Variants in SFXN2 observed in about 807,000 individuals in gnomAD.
SFXN2 encodes the protein sideroflexin 2.
Under a neutral mutation model 41.9 loss-of-function variants are expected in SFXN2, and 37 were observed. The observed-to-expected ratio is 0.88, with a 90% CI of 0.68 to 1.16. The LOEUF is 1.16. Ranked by LOEUF, SFXN2 falls within the 50% of genes most tolerant of loss-of-function variation. The pLI is 0.00. For synonymous variants in SFXN2, 150 were observed against 156.7 expected, an observed-to-expected ratio of 0.96 and a Z score of 0.32; for missense variants, 386 against 425.2, an observed-to-expected ratio of 0.91 and a Z score of 0.81.
chr10:102,722,726 T>G, intron 1 of SFXN2, among the ~76,000 whole-genome samples: 1 of 151,580 alleles, frequency 6.6e-6, no homozygotes. Flanking sequence ...CTTTTTTAAT[T>G]TTTATAGAGA....
At chr10:102,728,300 AAAAAAT>A (rs1206804739) in intron 3 of SFXN2, 125 bp from the exon 4 acceptor site, 11 of 713,024 alleles carry the variant, frequency 1.5e-5, no homozygotes, top group South Asian at 3.3e-5. Context: ...CTCCGTCTCA[AAAAAAT>A]AAAAATAAAA....
chr10:102,735,523 C>A (rs1164564335), intron 10 of SFXN2, among the ~76,000 whole-genome samples: 1 of 152,150 alleles, frequency 6.6e-6, no homozygotes, highest in Non-Finnish European at 1.5e-5. Context: ...TTTCTCCTCT[C>A]CCTCCTCGTC....
intron 10 of SFXN2, among the ~76,000 whole-genome samples, chr10:102,735,401 T>C (rs1228497077): frequency 7.0e-6 from 1 of 143,410 alleles, no homozygotes; most frequent in African/African-American, 2.6e-5. Context: ...TCCTCCAAGT[T>C]GCTCCTGTCC....
chr10:102,729,591 C>A, intron 5 of SFXN2, 132 bp from the exon 6 acceptor site: 1 of 1,145,930 alleles, frequency 8.7e-7, no homozygotes, highest in East Asian at 2.4e-5. Flanking sequence ...GTTTGGGGTT[C>A]CCAGACTGGG....
chr10:102,728,748 C>T (rs1391404490), intron 4 of SFXN2, among the ~76,000 whole-genome samples: 2 of 152,108 alleles, frequency 1.3e-5, no homozygotes, highest in Admixed American at 6.5e-5. Flanking sequence ...CTAAATATTT[C>T]TTCTTGAGTG....
chr10:102,728,333 G>A (rs1010021223), intron 3 of SFXN2, 98 bp from the exon 4 acceptor site: 6 of 910,100 alleles, frequency 6.6e-6, no homozygotes, highest in Admixed American at 5.2e-5. Context: ...TATGGGAACA[G>A]TGTGGGGACC....
At chr10:102,737,162 A>C (rs1490965458) in intron 11 of SFXN2, among the ~76,000 whole-genome samples, 3 of 152,038 alleles carry the variant, frequency 2.0e-5, no homozygotes, top group Non-Finnish European at 4.4e-5. Context: ...CTCAATAAAT[A>C]AGTAAATAAA....
At position 102,732,879 on chromosome 10, in the gene SFXN2, G is replaced by A; in HGVS notation, c.742G>A (p.Glu248Lys). 1 of 1,614,124 alleles carries A rather than the reference G, an allele frequency of 6.2e-7. No individual in the cohort carries two copies. The highest frequency in any genetic ancestry group is 8.5e-7 in the Non-Finnish European group (1 of 1,180,012). The change falls in exon 9 of 12, where the codon GAA (glutamate) becomes AAA (lysine). Residue 248 changes from glutamate to lysine, a missense_variant. Transcript: ENST00000369893. ...TCCAGTCTTGCTGCCAGTCATCATG[G>A]AAAGGCTTGAGAAATTGCACTTCAT... Reference protein sequence around the residue: ...PGMILLPVIMERLEKLHFMQK... With the variant: ...PGMILLPVIMKRLEKLHFMQK...
Position 102,717,154 on chromosome 10 carries a change from C to T in SFXN2, c.-26+2473C>T, listed in dbSNP as rs187650259. 3.1e-3 allele frequency among the ~76,000 whole-genome samples: 342 copies of T among 111,564 alleles called. 3 individuals are homozygous for T. Among genetic ancestry groups the T allele is most frequent in the African/African-American group, 0.011 (318 of 28,276 alleles). 73.2% of individuals were successfully genotyped at this position (111,564 alleles called of 152,430 possible). ...TTTTTTTTTTTTTTTTTTGTGGAGACGGAGTCTCGCTCTGTCACCCAGACT... is the reference window on the plus strand; with the variant it reads ...TTTTTTTTTTTTTTTTTTGTGGAGATGGAGTCTCGCTCTGTCACCCAGACT... On this transcript the variant is annotated intron_variant, in intron 1 of 11. Coordinates refer to ENST00000369893, the MANE Select transcript of SFXN2 (RefSeq NM_178858.6).
chr10:102,733,742 A>C (rs1590154020), intron 10 of SFXN2, 139 bp downstream of exon 10: 3 of 722,488 alleles, frequency 4.2e-6, no homozygotes, highest in East Asian at 2.6e-5. Context: ...CCTGTGGTCC[A>C]TCTGGAAAGC....
At chr10:102,733,304 C>T (rs1350903497) in intron 9 of SFXN2, among the ~76,000 whole-genome samples, 1 of 55,818 alleles carries the variant, frequency 1.8e-5, no homozygotes, top group South Asian at 5.5e-4. Flanking sequence ...CCTGCCACCA[C>T]GCCCAGCTAT....
intron 4 of SFXN2, 114 bp downstream of exon 4, chr10:102,728,643 T>C (rs2064649211): frequency 1.2e-6 from 1 of 846,330 alleles, no homozygotes; most frequent in Non-Finnish European, 2.0e-6. Context: ...GGTGACCAAG[T>C]CACCCTTTCC....
rs201849917 is a variant in SFXN2 at position 102,729,773 on chromosome 10, G to A, written c.558G>A (p.Ala186=). ...GRWVPFAAVA[A]ANCVNIPMMR... is the part of the protein sequence containing the mutation. ...GGGTGCCCTTTGCCGCTGTGGCTGC[G>A]GCTAACTGTGTCAATATCCCCATGA... Residue 186 remains alanine, a synonymous_variant, in exon 6 of 12, where the codon GCG becomes GCA. Coordinates refer to ENST00000369893, the MANE Select transcript of SFXN2 (RefSeq NM_178858.6). 7.4e-6 allele frequency: 12 copies of A among 1,614,064 alleles called. No individual in the cohort carries two copies. The highest frequency in any genetic ancestry group is 2.7e-5 in the African/African-American group (2 of 75,032).
chr10:102,742,255 C>T lies in SFXN2; in HGVS notation c.*4493C>T, dbSNP rs1178927514. The T allele has an allele frequency of 3.3e-5, 5 of 152,116 alleles. No homozygotes were observed. The highest frequency in any genetic ancestry group is 1.2e-4 in the African/African-American group (5 of 41,280). The allele number at this position is 152,116 out of a possible 1,614,324, so 9.4% of individuals were successfully genotyped here. On this transcript the variant is annotated 3_prime_UTR_variant, in exon 12 of 12. Coordinates refer to ENST00000369893, the MANE Select transcript of SFXN2 (RefSeq NM_178858.6). Reference sequence around the variant, plus strand: ...AGTCTTGGCTCACTGCAACCTCTGCCTCCCAGGTTCAAGCGATTCTTCTGC... The same window carrying T: ...AGTCTTGGCTCACTGCAACCTCTGCTTCCCAGGTTCAAGCGATTCTTCTGC...
At chr10:102,722,661 C>T (rs1224365231) in intron 1 of SFXN2, among the ~76,000 whole-genome samples, 5 of 152,078 alleles carry the variant, frequency 3.3e-5, no homozygotes, top group Admixed American at 3.3e-4. Context: ...GCACCTCAGC[C>T]TCCCAAGTAG....
chr10:102,727,257 T>A, intron 3 of SFXN2, 100 bp downstream of exon 3: 1 of 1,313,438 alleles, frequency 7.6e-7, no homozygotes. Context: ...GATTGGTCAC[T>A]TACCAGATAC....
chr10:102,718,009 G>A (rs1447718099), intron 1 of SFXN2, among the ~76,000 whole-genome samples: 1 of 152,222 alleles, frequency 6.6e-6, no homozygotes, highest in Non-Finnish European at 1.5e-5. Context: ...AAGGAGTCGG[G>A]GAAGAGTGCC....
chr10:102,739,771 G>A lies in SFXN2; in HGVS notation c.*2009G>A, dbSNP rs1281036263. 2 of 152,074 alleles carry A rather than the reference G, an allele frequency of 1.3e-5. No homozygotes were observed. Among genetic ancestry groups the A allele is most frequent in the Non-Finnish European group, 2.9e-5 (2 of 68,030 alleles). 9.4% of individuals were successfully genotyped at this position (152,074 alleles called of 1,614,324 possible). A position where few individuals can be genotyped will look rare whatever the true frequency, so the allele number is the denominator to read the frequency against. On this transcript the variant is annotated 3_prime_UTR_variant, in exon 12 of 12. Transcript: ENST00000369893. ...TACTAAAAATACAAAAAATTTGCTG[G>A]GTGTGGTGGCATACACCTGTAATCC...
intron 1 of SFXN2, chr10:102,715,063 C>T (rs181240386): frequency 1.5e-3 from 235 of 152,866 alleles, no homozygotes; most frequent in Non-Finnish European, 1.8e-3. Context: ...CACAGGGTGT[C>T]GCTCTGTCGC....
Sources: allele counts gnomAD v4.1 joint callset (sites outside exome capture counted in the v4.1 genomes callset), GRCh38; gene constraint gnomAD v4.1.1; transcripts MANE v1.5; gene names NCBI Gene and HGNC (gene_info 2026-07-23, HGNC 2026-07-21).